Variants in NCOA4 observed in about 807,000 individuals in gnomAD.
The protein encoded by NCOA4 is nuclear receptor coactivator 4, also known as 70 kDa AR-activator.
In NCOA4, 31 loss-of-function variants were observed where a neutral mutation model predicts 69.5. The observed-to-expected ratio is 0.45, with a 90% CI of 0.34 to 0.60. The LOEUF is 0.60. Among genes scored for constraint, NCOA4 ranks in the 20% least tolerant of loss-of-function variants. NCOA4 has a pLI of 0.02. For synonymous variants in NCOA4, 228 were observed against 252.4 expected, an observed-to-expected ratio of 0.90 and a Z score of 0.92; for missense variants, 600 against 719.2, an observed-to-expected ratio of 0.83 and a Z score of 1.90.
In NCOA4 at chr10:46,028,497, C is replaced by T. The variant is rs1278151821; in HGVS notation, c.-15+2029G>A. ...CCTTTTTTTAAAAAACTCACTATCT[C>T]AATTAGCCCTCATTAAAGTGGCTAT... On this transcript the variant is annotated intron_variant, in intron 1 of 9. Coordinates refer to ENST00000581486, the MANE Select transcript of NCOA4 (RefSeq NM_001145263.2). Among the ~76,000 whole-genome samples the T allele has an allele frequency of 2.7e-5, 4 of 149,890 alleles. No individual in the cohort carries two copies. The East Asian group carries it at 7.9e-4, about 30-fold the overall frequency.
chr10:46,006,221 A>T lies in NCOA4; in HGVS notation c.*371T>A, dbSNP rs1380785777. On this transcript the variant is annotated 3_prime_UTR_variant, in exon 10 of 10. Transcript: ENST00000581486. ...AACGTTAGGGAAGTTTACTAGCTTT[A>T]GAATACATCAATATACTTCGATAAA... 1 of 277,968 alleles carries T rather than the reference A, an allele frequency of 3.6e-6. No individual in the cohort carries two copies. The highest frequency in any genetic ancestry group is 5.1e-5 in the East Asian group (1 of 19,468). The allele number at this position is 277,968 out of a possible 1,614,324, so 17.2% of individuals were successfully genotyped here. A position where few individuals can be genotyped will look rare whatever the true frequency, so the allele number is the denominator to read the frequency against.
intron 1 of NCOA4, among the ~76,000 whole-genome samples, chr10:46,019,897 G>A (rs1839775422): frequency 6.6e-6 from 1 of 152,162 alleles, no homozygotes; most frequent in African/African-American, 2.4e-5. Flanking sequence ...TTTATGGTAA[G>A]TCCCAGGATG....
chr10:46,007,123 G>A (rs2132305627), intron 9 of NCOA4, among the ~76,000 whole-genome samples: 1 of 152,298 alleles, frequency 6.6e-6, no homozygotes, highest in South Asian at 2.1e-4. Flanking sequence ...AACTAGAGGT[G>A]CTACTCCAGT....
Position 46,010,978 on chromosome 10 carries a change from G to C in NCOA4, c.943C>G (p.Arg315Gly), listed in dbSNP as rs148951318. 1 of 1,613,930 alleles carries C rather than the reference G, an allele frequency of 6.2e-7. No homozygotes were observed. Among genetic ancestry groups the C allele is most frequent in the South Asian group, 1.1e-5 (1 of 91,072 alleles). ...LVTPQESHKL[R>G]KPENGSRETS... ...TCACGACTGCCATTCTCAGGCTTCCGCAGCTTATGGGATTCCTGGGGAGTC... is the reference window on the plus strand; with the variant it reads ...TCACGACTGCCATTCTCAGGCTTCCCCAGCTTATGGGATTCCTGGGGAGTC... Residue 315 changes from arginine (R) to glycine (G), a missense_variant, in exon 8 of 10, where the codon CGG (arginine) becomes GGG (glycine). Coordinates refer to ENST00000581486, the MANE Select transcript of NCOA4 (RefSeq NM_001145263.2).
chr10:46,008,901 C>T (rs571663939), intron 9 of NCOA4, among the ~76,000 whole-genome samples: 1 of 152,282 alleles, frequency 6.6e-6, no homozygotes, highest in Non-Finnish European at 1.5e-5. Flanking sequence ...AACAGCAAAA[C>T]GATTATGTGT....
intron 1 of NCOA4, among the ~76,000 whole-genome samples, chr10:46,021,061 TTAAAC>T (rs1839842050): frequency 1.3e-5 from 2 of 152,190 alleles, no homozygotes; most frequent in African/African-American, 4.8e-5. Context: ...AAGGAATTCT[TTAAAC>T]TATATATGCC....
chr10:46,027,610 A>T (rs1840235587), intron 1 of NCOA4: 2 of 783,894 alleles, frequency 2.6e-6, no homozygotes, highest in Non-Finnish European at 2.0e-6. Context: ...GTAATAAAAA[A>T]TGCCATGGCC....
In NCOA4 at chr10:46,009,401, A is replaced by G. The variant is rs1554920540; in HGVS notation, c.1839+10T>C. 1 of 1,605,576 alleles carries G rather than the reference A, an allele frequency of 6.2e-7. No homozygotes were observed. Among genetic ancestry groups the G allele is most frequent in the Admixed American group, 1.7e-5 (1 of 57,962 alleles). On this transcript the variant is annotated intron_variant, in intron 9 of 9. Transcript: ENST00000581486. ...ATAATCTAATTTTCATGCTGGTGGC[A>G]TGTACCCACCTGTAGAGGAGTTCGA...
At chr10:46,024,758 C>T (rs577314506) in intron 1 of NCOA4, among the ~76,000 whole-genome samples, 2 of 152,180 alleles carry the variant, frequency 1.3e-5, no homozygotes, top group East Asian at 1.9e-4. Context: ...GGTATTTTAC[C>T]TCTCTTCTGC....
chr10:46,030,401 A>C (rs577503571), intron 1 of NCOA4, 125 bp downstream of exon 1: 2 of 147,080 alleles, frequency 1.4e-5, no homozygotes, highest in East Asian at 4.0e-4. Flanking sequence ...TGGCGTGTGG[A>C]GGGGAGGGAA....
chr10:46,009,601 A>G, intron 8 of NCOA4, 50 bp from the exon 9 acceptor site: 1 of 1,516,682 alleles, frequency 6.6e-7, no homozygotes, highest in African/African-American at 1.4e-5. Context: ...AGGAGGCATG[A>G]GACCAACTTA....
At chr10:46,010,157 C>T (rs1290672283) in intron 8 of NCOA4, 66 bp downstream of exon 8, 1 of 1,510,990 alleles carries the variant, frequency 6.6e-7, no homozygotes, top group Admixed American at 2.2e-5. Flanking sequence ...GACAGAGACC[C>T]CATCTCAAAA....
At chr10:46,012,088 A>AAAAAAAAAC (rs1839259598) in intron 7 of NCOA4, among the ~76,000 whole-genome samples, 2 of 139,100 alleles carry the variant, frequency 1.4e-5, no homozygotes, top group Non-Finnish European at 3.0e-5. Flanking sequence ...AAAAAAAAAA[A>AAAAAAAAAC]AAAAAAAAAA....
At chr10:46,019,284 T>C (rs1554923876) in intron 1 of NCOA4, 1 of 965,302 alleles carries the variant, frequency 1.0e-6, no homozygotes, top group Non-Finnish European at 1.2e-6. Flanking sequence ...GAAGCATTAG[T>C]GTGCACTTGG....
intron 1 of NCOA4, among the ~76,000 whole-genome samples, chr10:46,017,268 CG>C (rs1459762357): frequency 6.6e-6 from 1 of 151,986 alleles, no homozygotes; most frequent in Non-Finnish European, 1.5e-5. Flanking sequence ...AACATAGGGC[CG>C]GGCACGGTGG....
chr10:46,010,912 C>T lies in NCOA4; in HGVS notation c.1009G>A (p.Val337Met), dbSNP rs146543857. The T allele has an allele frequency of 4.7e-4, 764 of 1,613,960 alleles. 4 individuals carry two copies. In the African/African-American group the frequency reaches 8.2e-3, roughly 17 times the overall value. Reference protein sequence around the residue: ...KFKLLFQSYNVNDWLVKTDSC... With the variant: ...KFKLLFQSYNMNDWLVKTDSC... The stretch of plus-strand genomic sequence containing the variant: ...TCAGTCTTGACAAGCCAATCATTCA[C>T]ATTATAGGACTGGAATAAGAGCTTA... Residue 337 changes from valine to methionine, a missense_variant, in exon 8 of 10, where the codon GTG becomes ATG. Coordinates refer to ENST00000581486, the MANE Select transcript of NCOA4 (RefSeq NM_001145263.2).
At chr10:46,021,499 A>G (rs1356871503) in intron 1 of NCOA4, among the ~76,000 whole-genome samples, 2 of 152,188 alleles carry the variant, frequency 1.3e-5, no homozygotes, top group Non-Finnish European at 2.9e-5. Context: ...CCTTTAGTGT[A>G]TTATCACCTG....
At chr10:46,010,084 C>T in intron 8 of NCOA4, 139 bp downstream of exon 8, 1 of 1,091,526 alleles carries the variant, frequency 9.2e-7, no homozygotes, top group Non-Finnish European at 1.3e-6. Flanking sequence ...AGGGGGATGG[C>T]TGGAGCCTCG....
At chr10:46,012,299 T>C (rs776124828) in intron 7 of NCOA4, among the ~76,000 whole-genome samples, 10 of 152,146 alleles carry the variant, frequency 6.6e-5, no homozygotes, top group Non-Finnish European at 1.3e-4. Flanking sequence ...TGGCAATATG[T>C]ATCCAAAGTC....
Sources: gnomAD v4.1 joint callset for allele counts (sites outside exome capture counted in the v4.1 genomes callset) on GRCh38, gnomAD v4.1.1 for gene constraint, MANE v1.5 for transcripts, NCBI Gene and HGNC (gene_info 2026-07-23, HGNC 2026-07-21) for gene names.